The following DCAF12L2 variants were observed in gnomAD, a reference collection of about 807,000 sequenced individuals.
The protein encoded by DCAF12L2 is DDB1- and CUL4-associated factor 12-like protein 2.
Under a neutral mutation model 20.2 loss-of-function variants are expected in DCAF12L2, and 16 were observed. That is an observed-to-expected ratio of 0.79 (90% CI 0.54 to 1.20). DCAF12L2 has a LOEUF of 1.20. DCAF12L2 is among the 50% of genes most tolerant of loss of function. The pLI is 0.00. For missense variants in DCAF12L2, 355 were observed against 404.8 expected, an observed-to-expected ratio of 0.88 and a Z score of 1.06; for synonymous variants, 195 against 190.0, an observed-to-expected ratio of 1.03 and a Z score of -0.22.
chrX:126,165,552 C>A lies in DCAF12L2; in HGVS notation c.373G>T (p.Val125Leu). 2 of 1,212,390 alleles carry A rather than the reference C, an allele frequency of 1.6e-6. No individual in the cohort carries two copies. The highest frequency in any genetic ancestry group is 2.2e-6 in the Non-Finnish European group (2 of 895,524). Residue 125 changes from valine (V) to leucine (L), a missense_variant, in exon 1 of 1, where the codon GTG becomes TTG. Val to Leu is a conservative substitution (Grantham distance 32). Coordinates refer to ENST00000360028, the MANE Select transcript of DCAF12L2 (RefSeq NM_001013628.3). Reference sequence around the variant, plus strand: ...ATGCGCGTGATGTGGCCTGACTGCACGTCCACCACAAACAGCGTATTACAC... The same window carrying A: ...ATGCGCGTGATGTGGCCTGACTGCAAGTCCACCACAAACAGCGTATTACAC... ...TKCNTLFVVD[V>L]QSGHITRIPL...
rs748442727 is a variant in DCAF12L2 at position 126,165,707 on chromosome X, C to T, written c.218G>A (p.Gly73Asp). The part of the protein sequence containing the change: ...RGPAGLQGFE[G>D]ELRGYAVQRL... ...CTGGACGGCGTAGCCCCGCAGCTCG[C>T]CCTCGAAGCCCTGGAGCCCGGCTGG... Residue 73 changes from glycine (G) to aspartate (D), a missense_variant, in exon 1 of 1, where the codon GGC becomes GAC. Transcript: ENST00000360028. 1 of 1,209,119 alleles carries T rather than the reference C, an allele frequency of 8.3e-7. No homozygotes were observed. Among genetic ancestry groups the T allele is most frequent in the African/African-American group, 1.7e-5 (1 of 57,419 alleles).
rs1375235891 is a variant in DCAF12L2, at chrX:126,164,333, G to A, written c.*200C>T. The A allele has an allele frequency of 2.2e-6, 1 of 452,788 alleles. No individual in the cohort carries two copies. Among genetic ancestry groups the A allele is most frequent in the African/African-American group, 2.5e-5 (1 of 40,220 alleles). 37.3% of individuals were successfully genotyped at this position (452,788 alleles called of 1,213,427 possible). ...TTTTAAAGCCAAAGTTTTGACTGCC[G>A]AAAGGACCACTTGTGCTCTCTCGCT... On this transcript the variant is annotated 3_prime_UTR_variant, in exon 1 of 1. Transcript: ENST00000360028.
rs1447035339 is a variant in DCAF12L2 at position 126,166,019 on chromosome X, G to A, written c.-95C>T. On this transcript the variant is annotated 5_prime_UTR_variant, in exon 1 of 1. In the 5' UTR this introduces an upstream ATG that the reference lacks. Coordinates refer to ENST00000360028, the MANE Select transcript of DCAF12L2 (RefSeq NM_001013628.3). ...GCGGCGCGTGGCACCCGTGTTGGCC[G>A]TGGCGGCGGTGGTGGGGATGGCTGC... 2.0e-5 allele frequency: 15 copies of A among 741,188 alleles called. No homozygotes were observed. The highest frequency in any genetic ancestry group is 2.2e-5 in the Non-Finnish European group (14 of 626,599). The allele number at this position is 741,188 out of a possible 1,213,427, so 61.1% of individuals were successfully genotyped here. A position where few individuals can be genotyped will look rare whatever the true frequency, so the allele number is the denominator to read the frequency against.
chrX:126,165,545 G>T lies in DCAF12L2; in HGVS notation c.380C>A (p.Ser127Ter). The change falls in exon 1 of 1, where the codon TCA becomes TAA. Residue 127 changes from serine (S) to a stop codon, truncating the protein, a stop_gained. Coordinates refer to ENST00000360028, the MANE Select transcript of DCAF12L2 (RefSeq NM_001013628.3). LOFTEE classifies it high-confidence loss of function. Reference sequence around the variant, plus strand: ...GAGGGGGATGCGCGTGATGTGGCCTGACTGCACGTCCACCACAAACAGCGT... The same window carrying T: ...GAGGGGGATGCGCGTGATGTGGCCTTACTGCACGTCCACCACAAACAGCGT... ...CNTLFVVDVQSGHITRIPLMR... is the reference protein window; with the variant it reads ...CNTLFVVDVQ The T allele has an allele frequency of 5.8e-6, 7 of 1,212,393 alleles. No homozygotes were observed. The highest frequency in any genetic ancestry group is 7.8e-6 in the Non-Finnish European group (7 of 895,554).
At position 126,165,796 on chromosome X, in the gene DCAF12L2, C is replaced by T; in HGVS notation, c.129G>A (p.Lys43=). ...CCAGCCTGCGACGCGTCGCCGGCCG[C>T]TTCTGCTTCTTGGGTAGCAGAGGCC... The part of the protein sequence containing the change: ...GEGPLLPKKQ[K]RPATRRRLVH... The change falls in exon 1 of 1, where the codon AAG becomes AAA. Residue 43 remains lysine, a synonymous_variant. Transcript: ENST00000360028. 1.7e-6 allele frequency: 2 copies of T among 1,209,027 alleles called. No homozygotes were observed. Among genetic ancestry groups the T allele is most frequent in the Non-Finnish European group, 2.2e-6 (2 of 895,103 alleles).
rs1407278207 is a variant in DCAF12L2 at position 126,165,568 on chromosome X, C to T, written c.357G>A (p.Thr119=). 8 of 1,212,275 alleles carry T rather than the reference C, an allele frequency of 6.6e-6. No homozygotes were observed. Among genetic ancestry groups the T allele is most frequent in the South Asian group, 1.8e-5 (1 of 57,050 alleles). ...RQVVCGTKCN[T]LFVVDVQSGH... is the part of the protein sequence containing the mutation. ...CTGACTGCACGTCCACCACAAACAG[C>T]GTATTACACTTGGTGCCGCACACCA... Residue 119 remains threonine, a synonymous_variant, in exon 1 of 1, where the codon ACG becomes ACA. Coordinates refer to ENST00000360028, the MANE Select transcript of DCAF12L2 (RefSeq NM_001013628.3).
In DCAF12L2 at chrX:126,165,983, C is replaced by CGGCGGCGGT. The variant is rs1211287528; in HGVS notation, c.-68_-60dup. The CGGCGGCGGT allele has an allele frequency of 1.3e-6, 1 of 758,302 alleles. No individual in the cohort carries two copies. Among genetic ancestry groups the CGGCGGCGGT allele is most frequent in the African/African-American group, 2.5e-5 (1 of 39,266 alleles). The allele number at this position is 758,302 out of a possible 1,213,427, so 62.5% of individuals were successfully genotyped here. A position where few individuals can be genotyped will look rare whatever the true frequency, so the allele number is the denominator to read the frequency against. On this transcript the variant is annotated 5_prime_UTR_variant, in exon 1 of 1. Transcript: ENST00000360028. ...GGCGGCGGCGGCGGCGGCGGCGGCC[C>CGGCGGCGGT]GGCGGCGGTGGCGGCGCGTGGCACC...
Position 126,164,740 on chromosome X carries a change from C to T in DCAF12L2, c.1185G>A (p.Pro395=). 8.2e-7 allele frequency: 1 copy of T among 1,212,425 alleles called. No homozygotes were observed. Among genetic ancestry groups the T allele is most frequent in the Admixed American group, 2.2e-5 (1 of 46,139 alleles). ...GCTTGAGCTTCCTCCCTGCGGGCCCCGGCATGGAGTCCAGGCTGGAAGAGG... is the reference window on the plus strand; with the variant it reads ...GCTTGAGCTTCCTCCCTGCGGGCCCTGGCATGGAGTCCAGGCTGGAAGAGG... ...ERASSSLDSM[P]GPAGRKLKLA... Residue 395 remains proline (P), a synonymous_variant, in exon 1 of 1, where the codon CCG becomes CCA. Transcript: ENST00000360028.
At position 126,165,662 on chromosome X, in the gene DCAF12L2, G is replaced by A. The variant is rs764100174; in HGVS notation, c.263C>T (p.Thr88Met). 3 of 1,210,566 alleles carry A rather than the reference G, an allele frequency of 2.5e-6. No homozygotes were observed. The change falls in exon 1 of 1, where the codon ACG becomes ATG. Residue 88 changes from threonine (T) to methionine (M), a missense_variant. Transcript: ENST00000360028. The stretch of plus-strand genomic sequence containing the variant: ...GGTGCCCAGGTCCAGCTGGCGCTCC[G>A]TCAGCAGCTCGGGCAGCCTCTGGAC... Reference protein sequence around the residue: ...YAVQRLPELLTERQLDLGTLN... With the variant: ...YAVQRLPELLMERQLDLGTLN...
In DCAF12L2 at chrX:126,165,733, G is replaced by C; in HGVS notation, c.192C>G (p.Gly64=). ...YLKGREVGAR[G]PAGLQGFEGE... ...CCTCGAAGCCCTGGAGCCCGGCTGG[G>C]CCCCGCGCTCCTACCTCCCGGCCCT... The change falls in exon 1 of 1, where the codon GGC becomes GGG. Residue 64 remains glycine, a synonymous_variant. Coordinates refer to ENST00000360028, the MANE Select transcript of DCAF12L2 (RefSeq NM_001013628.3). 1 of 1,209,862 alleles carries C rather than the reference G, an allele frequency of 8.3e-7. No individual in the cohort carries two copies. Among genetic ancestry groups the C allele is most frequent in the Non-Finnish European group, 1.1e-6 (1 of 894,890 alleles).
At position 126,164,948 on chromosome X, in the gene DCAF12L2, TGA is replaced by T. The variant is rs912365882; in HGVS notation, c.975_976del (p.Gln326ValfsTer50). ...CGGATCCAGGAAGGAGACGTGGGAC[TGA>T]GAGCCCACAGCGTACAGGGACAACT... On this transcript the variant is annotated frameshift_variant, in exon 1 of 1. Coordinates refer to ENST00000360028, the MANE Select transcript of DCAF12L2 (RefSeq NM_001013628.3). LOFTEE classifies it high-confidence loss of function. The T allele has an allele frequency of 1.6e-6, 2 of 1,212,275 alleles. No homozygotes were observed. The highest frequency in any genetic ancestry group is 2.2e-6 in the Non-Finnish European group (2 of 895,628).
In DCAF12L2 at chrX:126,165,998, C is replaced by T; in HGVS notation, c.-74G>A. The T allele has an allele frequency of 1.3e-6, 1 of 766,305 alleles. No homozygotes were observed. The highest frequency in any genetic ancestry group is 1.5e-6 in the Non-Finnish European group (1 of 649,447). 63.2% of individuals were successfully genotyped at this position (766,305 alleles called of 1,213,427 possible). ...GGCGGCGGCCCGGCGGCGGTGGCGG[C>T]GCGTGGCACCCGTGTTGGCCGTGGC... On this transcript the variant is annotated 5_prime_UTR_variant, in exon 1 of 1. Coordinates refer to ENST00000360028, the MANE Select transcript of DCAF12L2 (RefSeq NM_001013628.3).
Position 126,164,544 on chromosome X carries a change from G to C in DCAF12L2, c.1381C>G (p.Leu461Val), listed in dbSNP as rs1422714646. Residue 461 changes from leucine (L) to valine (V), a missense_variant, in exon 1 of 1, where the codon CTC becomes GTC. Leu to Val is a conservative substitution (Grantham distance 32, BLOSUM62 1). Transcript: ENST00000360028. ...PSGLHGNYAG[L>V]WS ...CAAGGCGTCCATCCTTAACTCCAGA[G>C]GCCTGCGTAGTTCCCATGGAGGCCT... 2.5e-6 allele frequency: 3 copies of C among 1,207,514 alleles called. No individual in the cohort carries two copies. Among genetic ancestry groups the C allele is most frequent in the African/African-American group, 1.7e-5 (1 of 57,363 alleles).
chrX:126,164,770 C>A lies in DCAF12L2; in HGVS notation c.1155G>T (p.Glu385Asp), dbSNP rs772989074. Residue 385 changes from glutamate to aspartate, a missense_variant, in exon 1 of 1, where the codon GAG becomes GAT. Transcript: ENST00000360028. The stretch of plus-strand genomic sequence containing the variant: ...TGGAGTCCAGGCTGGAAGAGGCCCT[C>A]TCCTCCAGGAACTTCTGGGCGCGGA... ...YDIRAQKFLEERASSSLDSMP... is the reference protein window; with the variant it reads ...YDIRAQKFLEDRASSSLDSMP... 11 of 1,212,507 alleles carry A rather than the reference C, an allele frequency of 9.1e-6. No individual in the cohort carries two copies. In the South Asian group the frequency reaches 1.9e-4, roughly 21 times the overall value.
rs753861637 is a variant in DCAF12L2, at chrX:126,165,949, AGCGGCGGCGGCGGCGGCG to A, written c.-43_-26del. The A allele has an allele frequency of 4.4e-4, 428 of 972,389 alleles. 18 individuals are homozygous for A. The highest frequency in any genetic ancestry group is 5.1e-4 in the Non-Finnish European group (393 of 773,564). The allele number at this position is 972,389 out of a possible 1,213,427, so 80.1% of individuals were successfully genotyped here. On this transcript the variant is annotated 5_prime_UTR_variant, in exon 1 of 1. Transcript: ENST00000360028. ...TGGTGGGCGGCGGGCGATCTGCAGC[AGCGGCGGCGGCGGCGGCG>A]GCGGCGGCGGCGGCCCGGCGGCGGT... is the stretch of plus-strand genomic sequence containing the variant.
chrX:126,164,369 CTCTT>C lies in DCAF12L2; in HGVS notation c.*160_*163del, dbSNP rs1927770754. ...TTGTGCTCTCTCGCTCCCGCTCTCT[CTCTT>C]TCTTTCTCTGCCTAATACATTAAGC... On this transcript the variant is annotated 3_prime_UTR_variant, in exon 1 of 1. Transcript: ENST00000360028. The C allele has an allele frequency of 6.1e-6, 4 of 651,437 alleles. No homozygotes were observed. Among genetic ancestry groups the C allele is most frequent in the Admixed American group, 4.4e-5 (1 of 22,702 alleles). The allele number at this position is 651,437 out of a possible 1,213,427, so 53.7% of individuals were successfully genotyped here. A position where few individuals can be genotyped will look rare whatever the true frequency, so the allele number is the denominator to read the frequency against.
chrX:126,164,926 A>C lies in DCAF12L2; in HGVS notation c.999T>G (p.Asp333Glu). 1 of 1,212,211 alleles carries C rather than the reference A, an allele frequency of 8.2e-7. No homozygotes were observed. Among genetic ancestry groups the C allele is most frequent in the Non-Finnish European group, 1.1e-6 (1 of 895,595 alleles). ...GGATGTTCTGCTGGCGCTGGCGCGG[A>C]TCCAGGAAGGAGACGTGGGACTGAG... ...VGSQSHVSFL[D>E]PRQRQQNIRP... Residue 333 changes from aspartate to glutamate, a missense_variant, in exon 1 of 1, where the codon GAT (aspartate) becomes GAG (glutamate). By Grantham distance (45) the Asp-to-Glu change is conservative. Coordinates refer to ENST00000360028, the MANE Select transcript of DCAF12L2 (RefSeq NM_001013628.3).
At position 126,165,539 on chromosome X, in the gene DCAF12L2, T is replaced by C. The variant is rs1927814201; in HGVS notation, c.386A>G (p.His129Arg). 3.3e-6 allele frequency: 4 copies of C among 1,211,378 alleles called. No homozygotes were observed. Among genetic ancestry groups the C allele is most frequent in the South Asian group, 1.8e-5 (1 of 56,952 alleles). ...TLFVVDVQSGHITRIPLMRDK... is the reference protein window; with the variant it reads ...TLFVVDVQSGRITRIPLMRDK... ...CCGCATGAGGGGGATGCGCGTGATGTGGCCTGACTGCACGTCCACCACAAA... is the reference window on the plus strand; with the variant it reads ...CCGCATGAGGGGGATGCGCGTGATGCGGCCTGACTGCACGTCCACCACAAA... The change falls in exon 1 of 1, where the codon CAC (histidine) becomes CGC (arginine). Residue 129 changes from histidine to arginine, a missense_variant. Physicochemically the swap from His to Arg is conservative, Grantham distance 29. Transcript: ENST00000360028.
Position 126,165,866 on chromosome X carries a change from G to GCTCCCGC in DCAF12L2, c.52_58dup (p.Ala20GlyfsTer101). 2 of 1,205,749 alleles carry GCTCCCGC rather than the reference G, an allele frequency of 1.7e-6. No homozygotes were observed. Among genetic ancestry groups the GCTCCCGC allele is most frequent in the Non-Finnish European group, 2.2e-6 (2 of 894,556 alleles). On this transcript the variant is annotated frameshift_variant, in exon 1 of 1. Transcript: ENST00000360028. LOFTEE classifies it high-confidence loss of function. Reference sequence around the variant, plus strand: ...TAAACCCTGCGACGACGAGCTCCCGGCTCCCGCCTCGACCGCGGGCGCTTT... The same window carrying GCTCCCGC: ...TAAACCCTGCGACGACGAGCTCCCGGCTCCCGCCTCCCGCCTCGACCGCGGGCGCTTT...
Sources: allele counts gnomAD v4.1 joint callset, GRCh38; gene constraint gnomAD v4.1.1; transcripts MANE v1.5; gene names NCBI Gene and HGNC (gene_info 2026-07-23, HGNC 2026-07-21).